INSC: variants seen among roughly 807,000 people sequenced by gnomAD.
INSC encodes the protein INSC spindle orientation adaptor protein, also known as protein inscuteable homolog.
In INSC, 67 loss-of-function variants were observed where a neutral mutation model predicts 58.6. The observed-to-expected ratio is 1.14, with a 90% CI of 0.94 to 1.40. The LOEUF is 1.40. Ranked by LOEUF, INSC falls within the 40% of genes most tolerant of loss-of-function variation. INSC has a pLI of 0.00. For synonymous variants in INSC, 262 were observed against 276.1 expected, an observed-to-expected ratio of 0.95 and a Z score of 0.51; for missense variants, 714 against 692.0, an observed-to-expected ratio of 1.03 and a Z score of -0.36.
chr11:15,245,545 T>C (rs900437606), intron 12 of INSC, among the ~76,000 whole-genome samples: 1 of 152,222 alleles, frequency 6.6e-6, no homozygotes, highest in Non-Finnish European at 1.5e-5. Context: ...TTCCTCTTTT[T>C]TCCATAGTGC....
At chr11:15,138,270 A>G (rs557487482) in intron 1 of INSC, among the ~76,000 whole-genome samples, 1 of 152,372 alleles carries the variant, frequency 6.6e-6, no homozygotes, top group East Asian at 1.9e-4. Context: ...ATATTATGAG[A>G]AATTACTAAA....
chr11:15,204,715 G>C (rs945800758), intron 7 of INSC, among the ~76,000 whole-genome samples: 15 of 152,220 alleles, frequency 9.9e-5, no homozygotes, highest in African/African-American at 3.6e-4. Context: ...CACTCACCGG[G>C]CATGGTTCGT....
intron 2 of INSC, among the ~76,000 whole-genome samples, chr11:15,164,965 G>A (rs886811977): frequency 4.6e-5 from 7 of 152,208 alleles, no homozygotes; most frequent in African/African-American, 1.7e-4. Context: ...ATGTGGAACT[G>A]TAAGTCCTTT....
At chr11:15,179,105 A>G (rs1200691769) in intron 5 of INSC, among the ~76,000 whole-genome samples, 4 of 152,174 alleles carry the variant, frequency 2.6e-5, no homozygotes, top group Admixed American at 1.3e-4. Context: ...TCTGTGGTTC[A>G]CCATGGAGCC....
At chr11:15,132,472 G>A (rs1469906171) in intron 1 of INSC, among the ~76,000 whole-genome samples, 1 of 152,090 alleles carries the variant, frequency 6.6e-6, no homozygotes. Flanking sequence ...TTTTTGTAGA[G>A]ATGGAGCCTG....
chr11:15,118,517 G>T (rs928943579), intron 1 of INSC, among the ~76,000 whole-genome samples: 4 of 152,180 alleles, frequency 2.6e-5, no homozygotes, highest in African/African-American at 9.7e-5. Context: ...GGTGGCCATT[G>T]CCTGCCTTCA....
At chr11:15,238,001 G>T (rs1167199257) in intron 10 of INSC, among the ~76,000 whole-genome samples, 1 of 152,130 alleles carries the variant, frequency 6.6e-6, no homozygotes, top group Admixed American at 6.5e-5. Flanking sequence ...TTCTAAGCTG[G>T]CAGGAGCCAC....
chr11:15,148,697 A>T (rs1046039358), intron 1 of INSC, among the ~76,000 whole-genome samples: 2 of 152,236 alleles, frequency 1.3e-5, no homozygotes, highest in South Asian at 4.1e-4. Flanking sequence ...AGCGAGTTCT[A>T]CAGTGGTAAC....
At chr11:15,256,793 G>C in the INSC span, among the ~76,000 whole-genome samples, 1 of 152,088 alleles carries the variant, frequency 6.6e-6, no homozygotes, top group South Asian at 2.1e-4. Flanking sequence ...TGGCCTGCAA[G>C]GTTGGCTGCT....
intron 10 of INSC, among the ~76,000 whole-genome samples, chr11:15,236,636 G>A (rs1023043043): frequency 1.3e-5 from 2 of 152,236 alleles, no homozygotes; most frequent in Non-Finnish European, 2.9e-5. Context: ...CAAAGGACAA[G>A]GTGGTGGCTG....
At chr11:15,199,369 T>C (rs944774026) in intron 6 of INSC, among the ~76,000 whole-genome samples, 5 of 152,222 alleles carry the variant, frequency 3.3e-5, no homozygotes, top group Admixed American at 2.6e-4. Flanking sequence ...GATATCTTCA[T>C]CTTGACCCCT....
rs116723588 is a variant in INSC at position 15,130,367 on chromosome 11, T to C, written c.-46+15364T>C. ...AGATGGCCGTAAGGTTTTTTCCTTCTTTATGTAGTGAGTTTCACTGATCTG... is the reference window on the plus strand; with the variant it reads ...AGATGGCCGTAAGGTTTTTTCCTTCCTTATGTAGTGAGTTTCACTGATCTG... On this transcript the variant is annotated intron_variant, in intron 1 of 12. Transcript: ENST00000379556. Among the ~76,000 whole-genome samples, 1,180 of 152,340 alleles carry C rather than the reference T, an allele frequency of 7.7e-3. 16 individuals are homozygous for C. The highest frequency in any genetic ancestry group is 0.027 in the African/African-American group (1,128 of 41,580).
chr11:15,228,061 GAATTA>G (rs1020851851), intron 9 of INSC, among the ~76,000 whole-genome samples: 13 of 152,210 alleles, frequency 8.5e-5, no homozygotes, highest in African/African-American at 3.1e-4. Context: ...GTTGAAATAA[GAATTA>G]AATTAATTAA....
Position 15,235,917 on chromosome 11 carries a change from G to A in INSC, c.1237+249G>A, listed in dbSNP as rs183563585. Among the ~76,000 whole-genome samples, 635 of 152,144 alleles carry A rather than the reference G, an allele frequency of 4.2e-3. 9 individuals are homozygous for A. Among genetic ancestry groups the A allele is most frequent in the African/African-American group, 0.015 (606 of 41,494 alleles). ...CTAAAAATACAGAAATTAGCTGGGTGTGGTGGTGGGCGCCTGTAATCTCAG... is the reference window on the plus strand; with the variant it reads ...CTAAAAATACAGAAATTAGCTGGGTATGGTGGTGGGCGCCTGTAATCTCAG... On this transcript the variant is annotated intron_variant, in intron 10 of 12. Transcript: ENST00000379556.
intron 7 of INSC, among the ~76,000 whole-genome samples, chr11:15,220,260 C>T (rs1851386245): frequency 2.6e-5 from 4 of 152,198 alleles, no homozygotes; most frequent in South Asian, 2.1e-4. Flanking sequence ...ACGGGCTGCT[C>T]CTCACCCCAC....
intron 2 of INSC, among the ~76,000 whole-genome samples, chr11:15,158,132 C>T (rs770774422): frequency 6.6e-6 from 1 of 152,104 alleles, no homozygotes; most frequent in Non-Finnish European, 1.5e-5. Flanking sequence ...TTATAACTAT[C>T]ATTTCCCAAC....
the INSC span, among the ~76,000 whole-genome samples, chr11:15,261,735 T>A: frequency 6.6e-6 from 1 of 152,128 alleles, no homozygotes; most frequent in African/African-American, 2.4e-5. Context: ...GATACAGAAC[T>A]TTGAAGAATA....
At chr11:15,115,521 G>A (rs1368095354) in intron 1 of INSC, among the ~76,000 whole-genome samples, 1 of 152,210 alleles carries the variant, frequency 6.6e-6, no homozygotes, top group African/African-American at 2.4e-5. Context: ...GTTTCTCAGG[G>A]CTTGGAGAAG....
intron 8 of INSC, among the ~76,000 whole-genome samples, chr11:15,223,279 T>C (rs1012784940): frequency 3.9e-5 from 6 of 152,332 alleles, no homozygotes; most frequent in Non-Finnish European, 8.8e-5. Context: ...ACTATTGTCA[T>C]GTATTCATTC....
Sources: gnomAD v4.1 joint callset for allele counts (sites outside exome capture counted in the v4.1 genomes callset) on GRCh38, gnomAD v4.1.1 for gene constraint, MANE v1.5 for transcripts, NCBI Gene and HGNC (gene_info 2026-07-23, HGNC 2026-07-21) for gene names.